The following ADH7 variants were observed in gnomAD, a reference collection of about 807,000 sequenced individuals.
ADH7 encodes the protein alcohol dehydrogenase 7 (class IV), mu or sigma polypeptide, also known as all-trans-retinol dehydrogenase [NAD(+)] ADH7.
A neutral mutation model predicts 34.4 loss-of-function variants in ADH7; 41 were observed. The ratio of observed to expected loss-of-function variants is 1.19; its 90% CI spans 0.93 to 1.55. The LOEUF (loss-of-function observed/expected upper bound fraction) is 1.55, where lower values mean the gene tolerates loss of function less well. Among genes scored for constraint, ADH7 ranks in the 40% most tolerant of loss-of-function variants. ADH7 has a pLI of 0.00. For synonymous variants in ADH7, 180 were observed against 160.9 expected, an observed-to-expected ratio of 1.12 and a Z score of -0.90; for missense variants, 540 against 461.2, an observed-to-expected ratio of 1.17 and a Z score of -1.56.
At chr4:99,430,884 G>A (rs965625137) in intron 1 of ADH7, among the ~76,000 whole-genome samples, 1 of 151,998 alleles carries the variant, frequency 6.6e-6, no homozygotes, top group African/African-American at 2.4e-5. Context: ...TGCAACCTCT[G>A]CCTCCCAGGT....
At chr4:99,429,131 G>A (rs1721883194) in intron 2 of ADH7, among the ~76,000 whole-genome samples, 1 of 152,160 alleles carries the variant, frequency 6.6e-6, no homozygotes, top group Non-Finnish European at 1.5e-5. Context: ...AAGAAAGGGA[G>A]GAAAACGTTC....
At chr4:99,417,258 T>C (rs1247653060) in intron 7 of ADH7, among the ~76,000 whole-genome samples, 1 of 152,114 alleles carries the variant, frequency 6.6e-6, no homozygotes, top group Admixed American at 6.5e-5. Context: ...AACCTTGCAA[T>C]GGCCCAAAGG....
intron 8 of ADH7, among the ~76,000 whole-genome samples, 163 bp from the exon 9 acceptor site, chr4:99,413,335 G>T (rs1050174783): frequency 3.9e-5 from 6 of 152,088 alleles, no homozygotes; most frequent in African/African-American, 1.4e-4. Context: ...TCTTTGTTAC[G>T]CAACTCTGAT....
At chr4:99,422,993 C>T (rs949974124) in intron 5 of ADH7, among the ~76,000 whole-genome samples, 2 of 140,902 alleles carry the variant, frequency 1.4e-5, no homozygotes, top group African/African-American at 5.2e-5. Flanking sequence ...TGTCATTTAG[C>T]ATTAGGTATA....
intron 5 of ADH7, among the ~76,000 whole-genome samples, chr4:99,421,106 A>G (rs1721648384): frequency 6.6e-6 from 1 of 152,236 alleles, no homozygotes; most frequent in Non-Finnish European, 1.5e-5. Flanking sequence ...TGTTATCCCT[A>G]TCAAGCTACC....
chr4:99,433,990 G>C (rs948965149), intron 1 of ADH7, among the ~76,000 whole-genome samples: 1 of 152,040 alleles, frequency 6.6e-6, no homozygotes, highest in African/African-American at 2.4e-5. Context: ...ACAGAAAGTT[G>C]GGAAATATAT....
chr4:99,417,537 C>T (rs72681951), intron 7 of ADH7, among the ~76,000 whole-genome samples: 2 of 152,108 alleles, frequency 1.3e-5, no homozygotes, highest in South Asian at 4.1e-4. Flanking sequence ...CTGGCACTGC[C>T]CGTTACCCAT....
At position 99,420,665 on chromosome 4, in the gene ADH7, C is replaced by T. The variant is rs368994439; in HGVS notation, c.693G>A (p.Lys231=). ...GIDLNKDKFE[K]AMAVGATECI... is the part of the protein sequence containing the mutation. ...ACTCAGTGGCACCTACAGCCATGGC[C>T]TTCTCAAATTTGTCTTTGTTGAGGT... The change falls in exon 6 of 9, where the codon AAG becomes AAA. Residue 231 remains lysine, a synonymous_variant. Coordinates refer to ENST00000437033, the MANE Select transcript of ADH7 (RefSeq NM_000673.7). The T allele has an allele frequency of 1.1e-5, 18 of 1,613,794 alleles. No homozygotes were observed. The highest frequency in any genetic ancestry group is 1.4e-5 in the Non-Finnish European group (16 of 1,179,942).
At chr4:99,425,583 A>G (rs1721780815) in intron 5 of ADH7, among the ~76,000 whole-genome samples, 1 of 151,954 alleles carries the variant, frequency 6.6e-6, no homozygotes, top group Non-Finnish European at 1.5e-5. Context: ...ACCTACAAAG[A>G]GACTTAGACT....
At chr4:99,415,308 T>A (rs1301905561) in intron 8 of ADH7, 170 bp downstream of exon 8, 1 of 703,198 alleles carries the variant, frequency 1.4e-6, no homozygotes. Context: ...TTTTTTATAG[T>A]AGTATGAAAA....
At position 99,420,645 on chromosome 4, in the gene ADH7, G is replaced by C. The variant is rs762449798; in HGVS notation, c.713C>G (p.Thr238Ser). 4 of 1,613,936 alleles carry C rather than the reference G, an allele frequency of 2.5e-6. No individual in the cohort carries two copies. The South Asian group carries it at 3.3e-5, about 13-fold the overall frequency. Reference protein sequence around the residue: ...KFEKAMAVGATECISPKDSTK... With the variant: ...KFEKAMAVGASECISPKDSTK... ...AGAGTCCTTGGGACTGATACACTCA[G>C]TGGCACCTACAGCCATGGCCTTCTC... Residue 238 changes from threonine to serine, a missense_variant, in exon 6 of 9, where the codon ACT becomes AGT. Thr to Ser is a moderately conservative substitution (Grantham distance 58, BLOSUM62 1). Coordinates refer to ENST00000437033, the MANE Select transcript of ADH7 (RefSeq NM_000673.7).
chr4:99,427,752 C>A, intron 5 of ADH7, 21 bp downstream of exon 5: 3 of 1,382,690 alleles, frequency 2.2e-6, no homozygotes, highest in Admixed American at 2.7e-5. Context: ...AACAAATAAA[C>A]TAGCCTACCC....
intron 7 of ADH7, among the ~76,000 whole-genome samples, chr4:99,417,518 C>T (rs1442260828): frequency 1.3e-5 from 2 of 152,150 alleles, no homozygotes; most frequent in African/African-American, 4.8e-5. Context: ...CCACCTCCAC[C>T]CCAGTCCTCT....
intron 1 of ADH7, chr4:99,434,935 G>A (rs969738724): frequency 2.1e-4 from 251 of 1,174,716 alleles, no homozygotes; most frequent in Admixed American, 6.3e-4. Context: ...CCAGCTATCC[G>A]GAAATCAAAT....
intron 1 of ADH7, among the ~76,000 whole-genome samples, chr4:99,432,204 G>A (rs760183006): frequency 1.2e-4 from 19 of 152,050 alleles, no homozygotes; most frequent in African/African-American, 1.7e-4. Context: ...CTGAGCAAAC[G>A]AATGCAGAAA....
At chr4:99,415,743 A>G in intron 7 of ADH7, 127 bp from the exon 8 acceptor site, 17 of 976,894 alleles carry the variant, frequency 1.7e-5, no homozygotes, top group Non-Finnish European at 2.5e-5. Context: ...CCAGCAGTGT[A>G]CAAATAAGCT....
chr4:99,417,349 C>A (rs1407133403), intron 7 of ADH7, among the ~76,000 whole-genome samples: 2 of 152,142 alleles, frequency 1.3e-5, no homozygotes, highest in Non-Finnish European at 1.5e-5. Flanking sequence ...CTGACCTTTT[C>A]CCCGTTCTTA....
rs1030139745 is a variant in ADH7 at position 99,426,431 on chromosome 4, C to T, written c.564+1342G>A. Among the ~76,000 whole-genome samples, 21 of 152,266 alleles carry T rather than the reference C, an allele frequency of 1.4e-4. No individual in the cohort carries two copies. In the East Asian group the frequency reaches 3.9e-3, roughly 28 times the overall value. ...CTACCATCAGAGAATACTACAAACA[C>T]CTCTACGCAAATAAACTAGAAAATC... On this transcript the variant is annotated intron_variant, in intron 5 of 8. Transcript: ENST00000437033.
intron 8 of ADH7, 42 bp from the exon 9 acceptor site, chr4:99,413,214 T>C (rs1171577970): frequency 6.2e-7 from 1 of 1,605,542 alleles, no homozygotes; most frequent in Non-Finnish European, 8.5e-7. Context: ...TGTTTTCATA[T>C]CTTTCAAGAA....
Sources: gnomAD v4.1 joint callset for allele counts (sites outside exome capture counted in the v4.1 genomes callset) on GRCh38, gnomAD v4.1.1 for gene constraint, MANE v1.5 for transcripts, NCBI Gene and HGNC (gene_info 2026-07-23, HGNC 2026-07-21) for gene names.